FECH: variants seen among roughly 807,000 people sequenced by gnomAD.
The protein encoded by FECH is ferrochelatase.
A neutral mutation model predicts 56.9 loss-of-function variants in FECH; 40 were observed. That is an observed-to-expected ratio of 0.70 (90% CI 0.55 to 0.92). The LOEUF is 0.92. Among genes scored for constraint, FECH ranks in the 40% least tolerant of loss-of-function variants. The pLI is 0.00. For synonymous variants in FECH, 175 were observed against 198.6 expected, an observed-to-expected ratio of 0.88 and a Z score of 1.00; for missense variants, 431 against 529.1, an observed-to-expected ratio of 0.81 and a Z score of 1.82.
intron 7 of FECH, among the ~76,000 whole-genome samples, chr18:57,558,429 T>C (rs544806570): frequency 2.0e-5 from 3 of 152,302 alleles, no homozygotes; most frequent in South Asian, 4.1e-4. Flanking sequence ...TCCTGAGTCT[T>C]AGCAAACTGC....
intron 7 of FECH, among the ~76,000 whole-genome samples, chr18:57,558,353 A>G (rs1410414827): frequency 6.6e-6 from 1 of 152,260 alleles, no homozygotes; most frequent in Non-Finnish European, 1.5e-5. Flanking sequence ...AGCCTAGTGT[A>G]ATATGATGAA....
chr18:57,554,792 A>T (rs2050846930), intron 8 of FECH, 53 bp downstream of exon 8: 2 of 1,436,356 alleles, frequency 1.4e-6, no homozygotes, highest in African/African-American at 2.8e-5. Flanking sequence ...ATAACTCATA[A>T]AATAAATTTT....
chr18:57,572,613 A>ATGTATGTATGTGCGCGTGTGTGTG (rs2051130531), intron 3 of FECH, among the ~76,000 whole-genome samples: 1 of 118,998 alleles, frequency 8.4e-6, no homozygotes, highest in Non-Finnish European at 1.6e-5. Context: ...GCATGTGTGT[A>ATGTATGTATGTGCGCGTGTGTGTG]TGTATGTATG....
Position 57,546,119 on chromosome 18 carries a change from A to C in FECH, c.*4593T>G, listed in dbSNP as rs1429805804. 3.3e-5 allele frequency among the ~76,000 whole-genome samples: 5 copies of C among 152,116 alleles called. No individual in the cohort carries two copies. Among genetic ancestry groups the C allele is most frequent in the Admixed American group, 3.3e-4 (5 of 15,270 alleles). ...ATTCCAGCTTGTGACATCTCAATGA[A>C]TTTCCCATTTCCACCTAACGTTAGG... On this transcript the variant is annotated 3_prime_UTR_variant, in exon 11 of 11. Coordinates refer to ENST00000262093, the MANE Select transcript of FECH (RefSeq NM_000140.5).
intron 7 of FECH, among the ~76,000 whole-genome samples, chr18:57,556,470 G>A (rs541591674): frequency 6.6e-6 from 1 of 152,174 alleles, no homozygotes; most frequent in Non-Finnish European, 1.5e-5. Flanking sequence ...AGACCCCCGG[G>A]TGTGAGGCAC....
At chr18:57,555,127 A>G (rs1023568938) in intron 7 of FECH, among the ~76,000 whole-genome samples, 175 bp from the exon 8 acceptor site, 1 of 152,224 alleles carries the variant, frequency 6.6e-6, no homozygotes, top group Non-Finnish European at 1.5e-5. Flanking sequence ...CCACTTCTTC[A>G]TCAGCCAAAG....
Position 57,573,476 on chromosome 18 carries a change from T to C in FECH, c.195-111A>G, listed in dbSNP as rs35655063. ...ATCTGTTCCATACAAAGGTAAATACTATGGCTCTTTTCACTGCCGTCACAC... is the reference window on the plus strand; with the variant it reads ...ATCTGTTCCATACAAAGGTAAATACCATGGCTCTTTTCACTGCCGTCACAC... On this transcript the variant is annotated intron_variant, in intron 2 of 10. Transcript: ENST00000262093. 0.16 allele frequency: 206,370 copies of C among 1,277,896 alleles called. 18,314 individuals are homozygous for C. Among genetic ancestry groups the C allele is most frequent in the Non-Finnish European group, 0.18 (156,169 of 886,954 alleles). The allele number at this position is 1,277,896 out of a possible 1,614,324, so 79.2% of individuals were successfully genotyped here.
intron 5 of FECH, among the ~76,000 whole-genome samples, chr18:57,564,067 G>A (rs568783): frequency 0.74 from 112,387 of 152,010 alleles, 42,762 homozygotes; most frequent in African/African-American, 0.92. Context: ...TAGTAGAGAC[G>A]GGGTTTCTCC....
chr18:57,585,393 A>G (rs1311235674), intron 1 of FECH, among the ~76,000 whole-genome samples: 2 of 152,238 alleles, frequency 1.3e-5, no homozygotes, highest in Admixed American at 6.5e-5. Flanking sequence ...AAAGTTTCAC[A>G]TATTGTTCCA....
At chr18:57,579,284 T>C (rs2051236154) in intron 2 of FECH, among the ~76,000 whole-genome samples, 1 of 95,468 alleles carries the variant, frequency 1.0e-5, no homozygotes, top group African/African-American at 4.5e-5. Flanking sequence ...TGTGTGTGTG[T>C]ATATATGTGT....
intron 3 of FECH, chr18:57,573,034 G>A: frequency 3.4e-6 from 2 of 587,626 alleles, no homozygotes; most frequent in South Asian, 4.0e-5. Context: ...GGGGAGCAAA[G>A]GGCTCAAGGA....
chr18:57,565,347 T>C (rs2051002238), intron 5 of FECH, among the ~76,000 whole-genome samples: 1 of 152,216 alleles, frequency 6.6e-6, no homozygotes. Context: ...GGCTCACGCC[T>C]GTAATCCCAG....
chr18:57,570,990 T>TC (rs1454997552), intron 4 of FECH, among the ~76,000 whole-genome samples: 1 of 152,242 alleles, frequency 6.6e-6, no homozygotes, highest in Non-Finnish European at 1.5e-5. Context: ...CTCTAAATAT[T>TC]CTAATCAGCT....
intron 7 of FECH, among the ~76,000 whole-genome samples, chr18:57,556,102 C>T (rs1598983575): frequency 6.6e-6 from 1 of 152,274 alleles, no homozygotes; most frequent in East Asian, 1.9e-4. Flanking sequence ...GCACTCCAGC[C>T]TGGGTGACAG....
At chr18:57,571,912 A>C (rs76433938) in intron 3 of FECH, among the ~76,000 whole-genome samples, 3,788 of 152,350 alleles carry the variant, frequency 0.025, 98 homozygotes, top group Non-Finnish European at 0.037. Flanking sequence ...CATTTCTCTT[A>C]ATTTAAAAAA....
At chr18:57,569,075 T>C (rs2051057685) in intron 4 of FECH, among the ~76,000 whole-genome samples, 1 of 152,236 alleles carries the variant, frequency 6.6e-6, no homozygotes, top group Admixed American at 6.5e-5. Flanking sequence ...CTATCCACGC[T>C]GCATCCGGGA....
At chr18:57,562,082 G>GT (rs1423603876) in intron 6 of FECH, among the ~76,000 whole-genome samples, 2 of 152,144 alleles carry the variant, frequency 1.3e-5, no homozygotes, top group African/African-American at 4.8e-5. Context: ...TGTTAGTAGG[G>GT]TTTTTTGCCG....
intron 9 of FECH, among the ~76,000 whole-genome samples, chr18:57,552,488 C>T (rs1475053031): frequency 6.6e-6 from 1 of 151,992 alleles, no homozygotes; most frequent in Non-Finnish European, 1.5e-5. Context: ...GCAACCTCCA[C>T]CTCCCAGATT....
chr18:57,565,808 G>A (rs2269223), intron 5 of FECH, among the ~76,000 whole-genome samples: 88,408 of 152,002 alleles, frequency 0.58, 25,892 homozygotes, highest in Non-Finnish European at 0.62. Flanking sequence ...AAACAAATGT[G>A]TCTGTGGGTG....
Sources: allele counts gnomAD v4.1 joint callset (sites outside exome capture counted in the v4.1 genomes callset), GRCh38; gene constraint gnomAD v4.1.1; transcripts MANE v1.5; gene names NCBI Gene and HGNC (gene_info 2026-07-23, HGNC 2026-07-21).